Variants in SDK1 observed in about 807,000 individuals in gnomAD.
SDK1 encodes sidekick cell adhesion molecule 1.
In SDK1, 157 loss-of-function variants were observed where a neutral mutation model predicts 245.5. The ratio of observed to expected loss-of-function variants is 0.64; its 90% CI spans 0.56 to 0.73. The LOEUF (loss-of-function observed/expected upper bound fraction) is 0.73. Ranked by LOEUF, SDK1 falls within the 30% of genes least tolerant of loss-of-function variation. SDK1 has a pLI of 0.00. For synonymous variants in SDK1, 1,647 were observed against 1,278.5 expected (o/e 1.29, Z -6.15); for missense variants, 3,583 against 3,002.3 (o/e 1.19, Z -4.52).
chr7:3,327,033 A>G (rs1779956112), intron 1 of SDK1, among the ~76,000 whole-genome samples: 1 of 152,252 alleles, frequency 6.6e-6, no homozygotes, highest in Non-Finnish European at 1.5e-5. Flanking sequence ...AAGCTGATTT[A>G]ATCTTAAGTC....
At chr7:4,022,776 C>CTT (rs770558246) in intron 17 of SDK1, among the ~76,000 whole-genome samples, 7,624 of 138,094 alleles carry the variant, frequency 0.055, 762 homozygotes, top group African/African-American at 0.2. Context: ...TTCTTTCTTT[C>CTT]TTTTTTTTTT....
intron 1 of SDK1, chr7:3,338,365 G>A: frequency 3.8e-6 from 2 of 522,198 alleles, no homozygotes; most frequent in Non-Finnish European, 3.6e-6. Flanking sequence ...CAAGGTCAGG[G>A]CACGACTCTT....
chr7:3,470,862 C>T (rs939984038), intron 1 of SDK1, among the ~76,000 whole-genome samples: 3 of 152,176 alleles, frequency 2.0e-5, no homozygotes, highest in Non-Finnish European at 4.4e-5. Flanking sequence ...TTATCATTTA[C>T]TCACCTTGTA....
intron 30 of SDK1, among the ~76,000 whole-genome samples, chr7:4,157,443 AGGGAAGGGAGGTGGAAGGGAGAG>A (rs1245790594): frequency 1.0e-5 from 1 of 98,350 alleles, no homozygotes; most frequent in Admixed American, 1.1e-4. Context: ...AGAGAAAAGG[AGGGAAGGGAGGTGGAAGGGAGAG>A]AAGGAAGGAG....
intron 5 of SDK1, among the ~76,000 whole-genome samples, chr7:3,854,017 C>CA (rs1780480844): frequency 6.6e-6 from 1 of 152,034 alleles, no homozygotes; most frequent in Admixed American, 6.6e-5. Flanking sequence ...GATTTCAGAG[C>CA]ATTTTTTGAT....
At chr7:3,450,729 T>C (rs899965094) in intron 1 of SDK1, among the ~76,000 whole-genome samples, 2 of 152,122 alleles carry the variant, frequency 1.3e-5, no homozygotes, top group Admixed American at 6.6e-5. Context: ...GAGTTGGAGA[T>C]TTTGACATTA....
At chr7:3,354,057 A>G (rs2128558967) in intron 1 of SDK1, among the ~76,000 whole-genome samples, 1 of 149,096 alleles carries the variant, frequency 6.7e-6, no homozygotes, top group East Asian at 2.0e-4. Flanking sequence ...CAGTGGCGAG[A>G]TCTCGGCTCG....
intron 1 of SDK1, among the ~76,000 whole-genome samples, chr7:3,403,870 A>ATATATATATAT (rs1778977645): frequency 1.2e-5 from 1 of 84,752 alleles, no homozygotes; most frequent in African/African-American, 5.0e-5. Flanking sequence ...TATATATATA[A>ATATATATATAT]TATATATATT....
chr7:3,485,702 T>C lies in SDK1; in HGVS notation c.299-133378T>C, dbSNP rs1207388988. 2.7e-5 allele frequency among the ~76,000 whole-genome samples: 4 copies of C among 145,648 alleles called. No homozygotes were observed. The East Asian group carries it at 5.9e-4, about 21-fold the overall frequency. ...TGGAGGGTTTTTTTTTTTTTTTTTTTTTTGAGCCATCTTGCTCCACCTTTC... is the reference window on the plus strand; with the variant it reads ...TGGAGGGTTTTTTTTTTTTTTTTTTCTTTGAGCCATCTTGCTCCACCTTTC... On this transcript the variant is annotated intron_variant, in intron 1 of 44. Coordinates refer to ENST00000404826, the MANE Select transcript of SDK1 (RefSeq NM_152744.4).
At chr7:4,128,405 C>T (rs1437516860) in intron 26 of SDK1, among the ~76,000 whole-genome samples, 2 of 152,236 alleles carry the variant, frequency 1.3e-5, no homozygotes, top group African/African-American at 4.8e-5. Context: ...TTCCTGGGGC[C>T]CCGAGAAACG....
intron 14 of SDK1, among the ~76,000 whole-genome samples, chr7:3,990,369 A>G (rs998367413): frequency 3.3e-5 from 5 of 152,248 alleles, no homozygotes; most frequent in African/African-American, 1.2e-4. Flanking sequence ...CTTTCCTCCC[A>G]GAGATGGGGC....
chr7:3,846,748 A>T (rs2115096054), intron 5 of SDK1, among the ~76,000 whole-genome samples: 1 of 152,300 alleles, frequency 6.6e-6, no homozygotes, highest in Non-Finnish European at 1.5e-5. Flanking sequence ...GAGCACACTC[A>T]GCACATTTCC....
intron 31 of SDK1, among the ~76,000 whole-genome samples, chr7:4,160,451 C>T (rs534837088): frequency 6.6e-6 from 1 of 152,298 alleles, no homozygotes; most frequent in African/African-American, 2.4e-5. Flanking sequence ...CTTTGATGCA[C>T]CTATCTTGTC....
chr7:3,673,483 A>G (rs1308896865), intron 4 of SDK1, among the ~76,000 whole-genome samples: 1 of 152,192 alleles, frequency 6.6e-6, no homozygotes, highest in Admixed American at 6.5e-5. Context: ...ACTCATAATC[A>G]TTTATAATCA....
intron 5 of SDK1, among the ~76,000 whole-genome samples, chr7:3,912,166 G>A (rs1409333350): frequency 2.6e-5 from 4 of 152,180 alleles, no homozygotes; most frequent in African/African-American, 9.7e-5. Context: ...GAGGAGCTAC[G>A]TGATGAGCGC....
At chr7:3,525,791 C>T (rs1783107646) in intron 1 of SDK1, among the ~76,000 whole-genome samples, 1 of 152,036 alleles carries the variant, frequency 6.6e-6, no homozygotes. Flanking sequence ...TCTCTAACTC[C>T]CTCTTCTTTG....
At chr7:4,048,516 C>T (rs1184537842) in intron 17 of SDK1, among the ~76,000 whole-genome samples, 1 of 152,052 alleles carries the variant, frequency 6.6e-6, no homozygotes, top group African/African-American at 2.4e-5. Context: ...CGTGTGCACC[C>T]ATCCTCGCCA....
intron 1 of SDK1, among the ~76,000 whole-genome samples, chr7:3,311,943 C>A (rs1779560467): frequency 6.6e-6 from 1 of 152,174 alleles, no homozygotes; most frequent in Admixed American, 6.5e-5. Context: ...GAGTAGGAGG[C>A]ATGGCCTTGG....
intron 4 of SDK1, among the ~76,000 whole-genome samples, chr7:3,742,943 G>T (rs1779516942): frequency 6.6e-6 from 1 of 152,238 alleles, no homozygotes; most frequent in African/African-American, 2.4e-5. Flanking sequence ...CATCAGTGGA[G>T]ACTGGTTTTC....
Sources: gnomAD v4.1 joint callset for allele counts (sites outside exome capture counted in the v4.1 genomes callset) on GRCh38, gnomAD v4.1.1 for gene constraint, MANE v1.5 for transcripts, NCBI Gene and HGNC (gene_info 2026-07-23, HGNC 2026-07-21) for gene names.